Variants in KIT observed in about 807,000 individuals in gnomAD.
KIT encodes KIT proto-oncogene, receptor tyrosine kinase, also known as mast/stem cell growth factor receptor Kit.
A neutral mutation model predicts 105.7 loss-of-function variants in KIT; 16 were observed. The ratio of observed to expected loss-of-function variants is 0.15; its 90% CI spans 0.10 to 0.23. The LOEUF is 0.23. Ranked by LOEUF, KIT falls within the 10% of genes least tolerant of loss-of-function variation. KIT has a pLI of 1.00. For missense variants in KIT, 858 were observed against 1,213.8 expected (o/e 0.71, Z 4.36); for synonymous variants, 438 against 441.1 (o/e 0.99, Z 0.09).
intron 1 of KIT, among the ~76,000 whole-genome samples, chr4:54,686,279 A>T (rs1002636824): frequency 2.0e-5 from 3 of 152,244 alleles, no homozygotes; most frequent in African/African-American, 7.2e-5. Context: ...TTAAATGGCT[A>T]ATCATTTTTA....
chr4:54,682,751 T>TA (rs1278668193), intron 1 of KIT, among the ~76,000 whole-genome samples: 1 of 86,966 alleles, frequency 1.1e-5, no homozygotes, highest in Non-Finnish European at 1.8e-5. Context: ...GTCTTGACCG[T>TA]TTTTTTTTTT....
intron 1 of KIT, among the ~76,000 whole-genome samples, chr4:54,665,862 G>A (rs1717650139): frequency 6.6e-6 from 1 of 152,166 alleles, no homozygotes; most frequent in Non-Finnish European, 1.5e-5. Flanking sequence ...ACAAAACATG[G>A]CTCTATAATA....
chr4:54,669,214 C>T (rs1034623143), intron 1 of KIT, among the ~76,000 whole-genome samples: 1 of 149,498 alleles, frequency 6.7e-6, no homozygotes, highest in African/African-American at 2.5e-5. Flanking sequence ...AAAGAGGACC[C>T]CCCCCCCTTG....
At chr4:54,662,498 AG>A (rs1717353709) in intron 1 of KIT, among the ~76,000 whole-genome samples, 1 of 152,214 alleles carries the variant, frequency 6.6e-6, no homozygotes, top group Non-Finnish European at 1.5e-5. Context: ...TCTGTAAAAC[AG>A]GAATTATTAT....
chr4:54,732,146 A>G (rs190206653), intron 16 of KIT, 148 bp downstream of exon 16: 14 of 918,520 alleles, frequency 1.5e-5, no homozygotes, highest in Middle Eastern at 3.4e-4. Flanking sequence ...AGCAGAGGAA[A>G]TTTAGTTTCT....
chr4:54,678,329 CTT>C (rs1321151170), intron 1 of KIT, among the ~76,000 whole-genome samples: 25 of 101,466 alleles, frequency 2.5e-4, no homozygotes, highest in African/African-American at 5.9e-4. Flanking sequence ...TCCTTCCTTC[CTT>C]CCTTCCTTCC....
At chr4:54,727,101 C>CT in intron 9 of KIT, 117 bp from the exon 10 acceptor site, 1 of 835,570 alleles carries the variant, frequency 1.2e-6, no homozygotes, top group South Asian at 1.3e-5. Context: ...ACTCACATAG[C>CT]TTTGCATCCT....
chr4:54,663,547 G>A (rs1329080584), intron 1 of KIT, among the ~76,000 whole-genome samples: 1 of 150,776 alleles, frequency 6.6e-6, no homozygotes, highest in African/African-American at 2.4e-5. Flanking sequence ...TTAAGATGAA[G>A]TTGTTAATTA....
chr4:54,698,706 T>C (rs1243532453), intron 3 of KIT, 141 bp downstream of exon 3: 1 of 942,796 alleles, frequency 1.1e-6, no homozygotes, highest in African/African-American at 1.6e-5. Flanking sequence ...AAATGTCATC[T>C]GCTTTTGAAT....
At chr4:54,682,366 G>A (rs887774753) in intron 1 of KIT, among the ~76,000 whole-genome samples, 1 of 152,008 alleles carries the variant, frequency 6.6e-6, no homozygotes, top group Admixed American at 6.5e-5. Flanking sequence ...GGGATTAAAG[G>A]CATGGGCCAC....
intron 1 of KIT, among the ~76,000 whole-genome samples, chr4:54,688,433 T>TA (rs1719468540): frequency 6.6e-6 from 1 of 151,760 alleles, no homozygotes; most frequent in South Asian, 2.1e-4. Flanking sequence ...AGAATAGGCC[T>TA]AATGTGGTGG....
chr4:54,722,517 C>T (rs977692976), intron 7 of KIT, among the ~76,000 whole-genome samples: 4 of 151,932 alleles, frequency 2.6e-5, no homozygotes, highest in Non-Finnish European at 4.4e-5. Context: ...ATGGGGCTCC[C>T]GTAATTCTGT....
chr4:54,692,673 C>G (rs948648811), intron 1 of KIT, among the ~76,000 whole-genome samples: 5 of 152,154 alleles, frequency 3.3e-5, no homozygotes, highest in Non-Finnish European at 5.9e-5. Flanking sequence ...ATTGCTGCCT[C>G]TGTTTTTATT....
intron 4 of KIT, among the ~76,000 whole-genome samples, chr4:54,702,226 A>G (rs924936527): frequency 3.3e-5 from 5 of 152,202 alleles, no homozygotes; most frequent in African/African-American, 7.2e-5. Context: ...ATAGAAATAC[A>G]TGAACCTTAT....
In KIT at chr4:54,727,456, T is replaced by C. The variant is rs780708976; in HGVS notation, c.1688T>C (p.Ile563Thr). The C allele has an allele frequency of 3.7e-6, 6 of 1,613,990 alleles. No homozygotes were observed. In the African/African-American group the frequency reaches 8.0e-5, roughly 22 times the overall value. The change falls in exon 11 of 21, where the codon ATA becomes ACA. Residue 563 changes from isoleucine (I) to threonine (T), a missense_variant. Ile to Thr is a moderately conservative substitution (Grantham distance 89). Transcript: ENST00000288135. ...GTACAGTGGAAGGTTGTTGAGGAGA[T>C]AAATGGAAACAATTATGTTTACATA... ...YEVQWKVVEE[I>T]NGNNYVYIDP...
intron 6 of KIT, 83 bp from the exon 7 acceptor site, chr4:54,709,341 G>A: frequency 2.3e-6 from 2 of 881,518 alleles, no homozygotes; most frequent in South Asian, 1.4e-5. Context: ...AACAGGCATA[G>A]ATTTCCAGGT....
chr4:54,678,334 TTCCTTCCTTCCTTCCTTCCCTCCCTCCC>T (rs1718644488), intron 1 of KIT, among the ~76,000 whole-genome samples: 2 of 98,468 alleles, frequency 2.0e-5, no homozygotes, highest in African/African-American at 5.2e-5. Flanking sequence ...CCTTCCTTCC[TTCCTTCCTTCCTTCCTTCCCTCCCTCCC>T]TCCCTCCCTC....
At chr4:54,693,620 C>T (rs1361990929) in intron 1 of KIT, among the ~76,000 whole-genome samples, 1 of 152,176 alleles carries the variant, frequency 6.6e-6, no homozygotes, top group African/African-American at 2.4e-5. Context: ...AATATGCCCC[C>T]ATCCCCTATC....
In KIT at chr4:54,705,202, C is replaced by A. The variant is rs60539940; in HGVS notation, c.925+1310C>A. Among the ~76,000 whole-genome samples, 940 of 152,288 alleles carry A rather than the reference C, an allele frequency of 6.2e-3. 12 individuals carry two copies. The highest frequency in any genetic ancestry group is 0.022 in the African/African-American group (897 of 41,572). On this transcript the variant is annotated intron_variant, in intron 5 of 20. Coordinates refer to ENST00000288135, the MANE Select transcript of KIT (RefSeq NM_000222.3). ...TTTTGAGAACATTGTTGTATGTAAT[C>A]GGATTTTTAAAATCCATTCATCAAT...
Sources: gnomAD v4.1 joint callset for allele counts (sites outside exome capture counted in the v4.1 genomes callset) on GRCh38, gnomAD v4.1.1 for gene constraint, MANE v1.5 for transcripts, NCBI Gene and HGNC (gene_info 2026-07-23, HGNC 2026-07-21) for gene names.